The following KMT5A variants were observed in gnomAD, a reference collection of about 807,000 sequenced individuals.
The protein encoded by KMT5A is N-lysine methyltransferase KMT5A.
KMT5A carries 6 observed loss-of-function variants against 40.6 expected under a neutral mutation model. That is an observed-to-expected ratio of 0.15 (90% confidence interval 0.08 to 0.29). The LOEUF is 0.29. Among genes scored for constraint, KMT5A ranks in the 10% least tolerant of loss-of-function variants. The pLI is 1.00. For synonymous variants in KMT5A, 153 were observed against 178.8 expected, an observed-to-expected ratio of 0.86 and a Z score of 1.15; for missense variants, 308 against 459.1, an observed-to-expected ratio of 0.67 and a Z score of 3.01.
At chr12:123,405,151 A>C in intron 7 of KMT5A, 77 bp downstream of exon 7, 1 of 1,368,944 alleles carries the variant, frequency 7.3e-7, no homozygotes, top group Non-Finnish European at 9.8e-7. Flanking sequence ...GGAACTCCTG[A>C]TTCTGTTTGG....
In KMT5A at chr12:123,409,282, A is replaced by G. The variant is rs568577816; in HGVS notation, c.*1579A>G. The stretch of plus-strand genomic sequence containing the variant: ...GTTTGTGGTTTAGCTTTGTATTTAA[A>G]CAAGGAAATAAACTTGAAAATTATT... On this transcript the variant is annotated 3_prime_UTR_variant, in exon 8 of 8. Transcript: ENST00000402868. 2.6e-5 allele frequency: 4 copies of G among 152,780 alleles called. No homozygotes were observed. The highest frequency in any genetic ancestry group is 6.5e-5 in the Admixed American group (1 of 15,300). The allele number at this position is 152,780 out of a possible 1,614,324, so 9.5% of individuals were successfully genotyped here. A position where few individuals can be genotyped will look rare whatever the true frequency, so the allele number is the denominator to read the frequency against.
intron 5 of KMT5A, among the ~76,000 whole-genome samples, chr12:123,400,117 C>T (rs1257158374): frequency 6.6e-6 from 1 of 151,382 alleles, no homozygotes; most frequent in Admixed American, 6.6e-5. Flanking sequence ...CCACTGAGCC[C>T]GGCCGTGAGA....
At chr12:123,388,165 C>A (rs1042111869) in intron 1 of KMT5A, among the ~76,000 whole-genome samples, 1 of 152,174 alleles carries the variant, frequency 6.6e-6, no homozygotes, top group Non-Finnish European at 1.5e-5. Context: ...ACATGTTAAA[C>A]CCTTCTGCAA....
chr12:123,392,656 C>T (rs1300470743), intron 3 of KMT5A, among the ~76,000 whole-genome samples: 2 of 152,000 alleles, frequency 1.3e-5, no homozygotes, highest in Non-Finnish European at 2.9e-5. Context: ...AGAGAGAAAC[C>T]CCATCTCTAA....
intron 1 of KMT5A, chr12:123,388,928 G>C (rs1180973013): frequency 1.4e-5 from 2 of 144,282 alleles, no homozygotes; most frequent in East Asian, 2.1e-4. Flanking sequence ...TCCCCGGGCC[G>C]GGCGCCGGAC....
chr12:123,406,774 C>T (rs911840168), intron 7 of KMT5A, among the ~76,000 whole-genome samples: 3 of 151,962 alleles, frequency 2.0e-5, no homozygotes, highest in Admixed American at 1.3e-4. Context: ...TGCCTGTGAT[C>T]CCAGCACTTT....
intron 3 of KMT5A, among the ~76,000 whole-genome samples, chr12:123,393,786 C>T (rs1438210856): frequency 6.6e-6 from 1 of 152,158 alleles, no homozygotes; most frequent in Non-Finnish European, 1.5e-5. Context: ...AGGGGAGCCA[C>T]CCTGCCCAGC....
At position 123,384,713 on chromosome 12, in the gene KMT5A, G is replaced by A. The variant is rs1593449955; in HGVS notation, c.10+505G>A. On this transcript the variant is annotated intron_variant, in intron 1 of 7. Transcript: ENST00000402868. This position sits in a 1 kb window ranked among gnomAD's most constrained non-coding sequence, Gnocchi z 5.7. ...CCTTTCCTCCCTCCCCACGTCCTGA[G>A]TCAGCTCTGCGCCGCTGGAGCGAAG... 1.3e-5 allele frequency among the ~76,000 whole-genome samples: 2 copies of A among 152,372 alleles called. No homozygotes were observed. The highest frequency in any genetic ancestry group is 3.9e-4 in the East Asian group (2 of 5,186).
At chr12:123,388,340 T>A (rs954982584) in intron 1 of KMT5A, 21 of 152,216 alleles carry the variant, frequency 1.4e-4, no homozygotes, top group African/African-American at 4.3e-4. Flanking sequence ...GAGATAATAA[T>A]GGTGTCTACC....
At chr12:123,406,352 T>A (rs2139209175) in intron 7 of KMT5A, among the ~76,000 whole-genome samples, 2 of 152,344 alleles carry the variant, frequency 1.3e-5, no homozygotes, top group Non-Finnish European at 2.9e-5. Context: ...TTCACTCTTG[T>A]TGTCCAGGCA....
In KMT5A at chr12:123,396,381, G is replaced by A. The variant is rs757837301; in HGVS notation, c.546G>A (p.Thr182=). Residue 182 remains threonine, a synonymous_variant, in exon 5 of 8, where the codon ACG becomes ACA. Coordinates refer to ENST00000402868, the MANE Select transcript of KMT5A (RefSeq NM_020382.7). ...QGKTQQNRKL[T]DFYPVRRSSR... is the part of the protein sequence containing the mutation. The stretch of plus-strand genomic sequence containing the variant: ...AAACGCAACAGAATCGCAAACTTAC[G>A]GATTTCTACCCTGTCCGAAGGAGCT... 6.2e-6 allele frequency: 10 copies of A among 1,613,804 alleles called. No individual in the cohort carries two copies. The highest frequency in any genetic ancestry group is 1.7e-4 in the Middle Eastern group (1 of 5,956).
rs369380867 is a variant in KMT5A at position 123,403,124 on chromosome 12, C to T, written c.598-449C>T. Reference sequence around the variant, plus strand: ...TTTTACCTATTTGCCAGGCTGGTCTCGAACTCGTGACCTTACGATCCGCCC... The same window carrying T: ...TTTTACCTATTTGCCAGGCTGGTCTTGAACTCGTGACCTTACGATCCGCCC... On this transcript the variant is annotated intron_variant, in intron 5 of 7. Transcript: ENST00000402868. Among the ~76,000 whole-genome samples the T allele has an allele frequency of 3.9e-4, 60 of 152,344 alleles. 1 individual carries two copies. In the East Asian group the frequency reaches 4.2e-3, roughly 11 times the overall value.
Position 123,390,680 on chromosome 12 carries a change from C to T in KMT5A, c.183C>T (p.Asn61=), listed in dbSNP as rs1877239856. The T allele has an allele frequency of 1.2e-6, 2 of 1,613,922 alleles. No individual in the cohort carries two copies. ...QSKIYSYMSP[N]KCSGMRFPLQ... ...AGATCTATTCCTACATGAGCCCGAACAAATGCTCTGGAATGCGTTTCCCCC... is the reference window on the plus strand; with the variant it reads ...AGATCTATTCCTACATGAGCCCGAATAAATGCTCTGGAATGCGTTTCCCCC... Residue 61 remains asparagine (N), a synonymous_variant, in exon 3 of 8, where the codon AAC becomes AAT. Coordinates refer to ENST00000402868, the MANE Select transcript of KMT5A (RefSeq NM_020382.7).
chr12:123,384,401 C>T lies in KMT5A; in HGVS notation c.10+193C>T, dbSNP rs1339501101. Among the ~76,000 whole-genome samples the T allele has an allele frequency of 6.6e-6, 1 of 152,226 alleles. No individual in the cohort carries two copies. The highest frequency in any genetic ancestry group is 2.4e-5 in the African/African-American group (1 of 41,470). On this transcript the variant is annotated intron_variant, in intron 1 of 7. Transcript: ENST00000402868. The surrounding 1 kb of genome is among the most constrained non-coding windows in gnomAD (Gnocchi z 5.7). ...CCCCCCTTGCGGCTCCAGATGCCCC[C>T]AGAAACCCTTCCCACTGCCGTGCTT...
intron 4 of KMT5A, 84 bp downstream of exon 4, chr12:123,395,350 G>A (rs1314984805): frequency 1.1e-5 from 15 of 1,352,916 alleles, no homozygotes; most frequent in Non-Finnish European, 1.5e-5. Flanking sequence ...GTGCCCATGG[G>A]GGTTCAGTGG....
At position 123,403,098 on chromosome 12, in the gene KMT5A, GT is replaced by G. The variant is rs562936977; in HGVS notation, c.598-471del. On this transcript the variant is annotated intron_variant, in intron 5 of 7. Transcript: ENST00000402868. ...TTTTTGTATCTTTAATAGAGACAGGGTTTTACCTATTTGCCAGGCTGGTCTC... is the reference window on the plus strand; with the variant it reads ...TTTTTGTATCTTTAATAGAGACAGGGTTTACCTATTTGCCAGGCTGGTCTC... Among the ~76,000 whole-genome samples, 18 of 152,266 alleles carry G rather than the reference GT, an allele frequency of 1.2e-4. No individual in the cohort carries two copies. The South Asian group carries it at 2.5e-3, about 21-fold the overall frequency.
At chr12:123,391,768 C>T (rs1877334300) in intron 3 of KMT5A, among the ~76,000 whole-genome samples, 1 of 152,224 alleles carries the variant, frequency 6.6e-6, no homozygotes, top group South Asian at 2.1e-4. Flanking sequence ...AGCAGAGCCT[C>T]TGGCTGCCAG....
intron 4 of KMT5A, 125 bp downstream of exon 4, chr12:123,395,391 TCAGATGCCC>T (rs1877637250): frequency 1.0e-6 from 1 of 954,758 alleles, no homozygotes; most frequent in African/African-American, 1.7e-5. Context: ...TGTCAAAGAC[TCAGATGCCC>T]CGAGTCATCA....
intron 1 of KMT5A, among the ~76,000 whole-genome samples, chr12:123,386,435 T>C (rs529379429): frequency 5.9e-5 from 9 of 152,064 alleles, no homozygotes; most frequent in Non-Finnish European, 1.0e-4. Context: ...AGGCTAGTCT[T>C]GAACTCCTGA....
Sources: allele counts gnomAD v4.1 joint callset (sites outside exome capture counted in the v4.1 genomes callset), GRCh38; gene constraint gnomAD v4.1.1; non-coding constraint Gnocchi (gnomAD v3.1); transcripts MANE v1.5; gene names NCBI Gene and HGNC (gene_info 2026-07-23, HGNC 2026-07-21).